Variants in RCAN2 observed in about 807,000 individuals in gnomAD.
The protein encoded by RCAN2 is calcipressin-2.
Under a neutral mutation model 23.6 loss-of-function variants are expected in RCAN2, and 9 were observed. The ratio of observed to expected loss-of-function variants is 0.38; its 90% CI spans 0.23 to 0.67. The LOEUF (loss-of-function observed/expected upper bound fraction) is 0.67, where lower values mean the gene tolerates loss of function less well. Among genes scored for constraint, RCAN2 ranks in the 30% least tolerant of loss-of-function variants. The pLI, the probability that RCAN2 is intolerant of heterozygous loss-of-function variation, is 0.51. For missense variants in RCAN2, 273 were observed against 302.3 expected, an observed-to-expected ratio of 0.90 and a Z score of 0.72; for synonymous variants, 109 against 115.7, an observed-to-expected ratio of 0.94 and a Z score of 0.37.
chr6:46,323,593 G>T (rs1763689086), intron 2 of RCAN2, among the ~76,000 whole-genome samples: 1 of 152,120 alleles, frequency 6.6e-6, no homozygotes, highest in Admixed American at 6.5e-5. Flanking sequence ...GCAGTCAAAA[G>T]AATTGACTCA....
At chr6:46,398,192 A>T (rs955223637) in intron 2 of RCAN2, among the ~76,000 whole-genome samples, 3 of 152,228 alleles carry the variant, frequency 2.0e-5, no homozygotes, top group South Asian at 2.1e-4. Context: ...AAGAACAGAT[A>T]TTTAAATGTT....
intron 2 of RCAN2, among the ~76,000 whole-genome samples, chr6:46,448,351 A>G (rs1004890138): frequency 2.0e-5 from 3 of 151,798 alleles, no homozygotes; most frequent in Admixed American, 6.6e-5. Flanking sequence ...AATGTCTCCT[A>G]CCAAAGAAAA....
chr6:46,226,116 G>A (rs1049932022), intron 4 of RCAN2, among the ~76,000 whole-genome samples: 1 of 152,156 alleles, frequency 6.6e-6, no homozygotes, highest in Non-Finnish European at 1.5e-5. Flanking sequence ...TATTGTTTCT[G>A]AGGGCTCTGT....
intron 2 of RCAN2, among the ~76,000 whole-genome samples, chr6:46,378,638 T>C (rs1765541945): frequency 6.6e-6 from 1 of 152,220 alleles, no homozygotes; most frequent in Non-Finnish European, 1.5e-5. Context: ...GTTGTGCAGG[T>C]TGTACACTGC....
At chr6:46,340,004 C>A (rs1471308298) in intron 2 of RCAN2, among the ~76,000 whole-genome samples, 1 of 152,020 alleles carries the variant, frequency 6.6e-6, no homozygotes, top group Non-Finnish European at 1.5e-5. Context: ...ATTTATTTAT[C>A]CTTGTATCCT....
At chr6:46,475,090 C>G (rs1768677039) in intron 1 of RCAN2, among the ~76,000 whole-genome samples, 1 of 152,038 alleles carries the variant, frequency 6.6e-6, no homozygotes, top group Non-Finnish European at 1.5e-5. Context: ...GTATAAGAAT[C>G]TTAGAGGGAA....
intron 1 of RCAN2, among the ~76,000 whole-genome samples, chr6:46,471,708 A>G (rs1527702): frequency 0.58 from 88,704 of 151,992 alleles, 26,552 homozygotes; most frequent in South Asian, 0.67. Flanking sequence ...CATGGGTCTG[A>G]ATGAGTGAGT....
At chr6:46,401,327 T>C (rs372255734) in intron 2 of RCAN2, among the ~76,000 whole-genome samples, 1 of 152,314 alleles carries the variant, frequency 6.6e-6, no homozygotes, top group Middle Eastern at 3.4e-3. Context: ...TTAGGGACTT[T>C]GTTGCTGATC....
intron 2 of RCAN2, among the ~76,000 whole-genome samples, chr6:46,306,775 G>A (rs2150354277): frequency 6.6e-6 from 1 of 152,204 alleles, no homozygotes; most frequent in East Asian, 1.9e-4. Flanking sequence ...CCTCCTTGAT[G>A]AGCCTATCCT....
At chr6:46,385,860 C>CTCT in intron 2 of RCAN2, among the ~76,000 whole-genome samples, 1 of 39,662 alleles carries the variant, frequency 2.5e-5, no homozygotes, top group Non-Finnish European at 4.4e-5. Context: ...CTCTCTCTCT[C>CTCT]AAAAAAAAAA....
intron 1 of RCAN2, among the ~76,000 whole-genome samples, chr6:46,484,728 A>G (rs571601313): frequency 2.7e-4 from 41 of 152,350 alleles, no homozygotes; most frequent in African/African-American, 9.9e-4. Flanking sequence ...AAACATCAGG[A>G]GAGAAGCCAT....
At position 46,221,797 on chromosome 6, in the gene RCAN2, A is replaced by G. The variant is rs1765484001; in HGVS notation, c.*1344T>C. On this transcript the variant is annotated 3_prime_UTR_variant, in exon 5 of 5. Coordinates refer to ENST00000371374, the MANE Select transcript of RCAN2 (RefSeq NM_001251974.2). ...GCGTTTGCATCTAAAGTAATTCATT[A>G]ATGTACAGGAGTAGATGAGGCCTGG... 7.6e-6 allele frequency: 3 copies of G among 396,558 alleles called. No homozygotes were observed. The highest frequency in any genetic ancestry group is 1.3e-5 in the Non-Finnish European group (3 of 225,062). The allele number at this position is 396,558 out of a possible 1,614,324, so 24.6% of individuals were successfully genotyped here. A position where few individuals can be genotyped will look rare whatever the true frequency, so the allele number is the denominator to read the frequency against.
Position 46,246,800 on chromosome 6 carries a change from G to T in RCAN2, c.519C>A (p.Ala173=). The T allele has an allele frequency of 3.7e-6, 6 of 1,613,706 alleles. No homozygotes were observed. The highest frequency in any genetic ancestry group is 5.1e-6 in the Non-Finnish European group (6 of 1,179,818). ...GGAGGTCATAGTTGAGGACTGGCGTGGCATCGTTGATGGGCTGCCAGCCAA... is the reference window on the plus strand; with the variant it reads ...GGAGGTCATAGTTGAGGACTGGCGTTGCATCGTTGATGGGCTGCCAGCCAA... ...PPVGWQPIND[A]TPVLNYDLLY... is the part of the protein sequence containing the mutation. The change falls in exon 4 of 5, where the codon GCC becomes GCA. Residue 173 remains alanine, a synonymous_variant. Coordinates refer to ENST00000371374, the MANE Select transcript of RCAN2 (RefSeq NM_001251974.2).
At chr6:46,298,717 TAAAAC>T (rs1307091018) in intron 2 of RCAN2, among the ~76,000 whole-genome samples, 1 of 151,978 alleles carries the variant, frequency 6.6e-6, no homozygotes, top group Non-Finnish European at 1.5e-5. Context: ...TCAAGGAACT[TAAAAC>T]AGAACTACTA....
At chr6:46,322,190 C>G (rs1295122167) in intron 2 of RCAN2, among the ~76,000 whole-genome samples, 1 of 152,182 alleles carries the variant, frequency 6.6e-6, no homozygotes, top group South Asian at 2.1e-4. Flanking sequence ...AGTGGGTAGA[C>G]TATTTTCAGA....
chr6:46,345,043 GAC>G (rs1454469001), intron 2 of RCAN2, among the ~76,000 whole-genome samples: 1 of 151,760 alleles, frequency 6.6e-6, no homozygotes, highest in Admixed American at 6.6e-5. Flanking sequence ...TAAATCTAAA[GAC>G]ACAGACTGGT....
At chr6:46,259,503 C>T (rs1748153618) in intron 2 of RCAN2, among the ~76,000 whole-genome samples, 1 of 152,148 alleles carries the variant, frequency 6.6e-6, no homozygotes, top group South Asian at 2.1e-4. Context: ...CTGTACTGTA[C>T]AGAAAGAAAA....
intron 2 of RCAN2, among the ~76,000 whole-genome samples, chr6:46,388,187 G>T (rs954201875): frequency 1.2e-4 from 18 of 151,906 alleles, no homozygotes; most frequent in African/African-American, 4.4e-4. Flanking sequence ...CACCAACATG[G>T]CACATGTATA....
At chr6:46,256,045 G>A (rs1033126213) in intron 2 of RCAN2, among the ~76,000 whole-genome samples, 2 of 152,158 alleles carry the variant, frequency 1.3e-5, no homozygotes, top group Admixed American at 1.3e-4. Flanking sequence ...ATCAATAATG[G>A]ACTCTAGAGA....
Sources: allele counts gnomAD v4.1 joint callset (sites outside exome capture counted in the v4.1 genomes callset), GRCh38; gene constraint gnomAD v4.1.1; transcripts MANE v1.5; gene names NCBI Gene and HGNC (gene_info 2026-07-23, HGNC 2026-07-21).